Variants in SIAH3 observed in about 807,000 individuals in gnomAD.
SIAH3 encodes the protein siah E3 ubiquitin protein ligase family member 3, also known as seven in absentia homolog 3.
Under a neutral mutation model 12.6 loss-of-function variants are expected in SIAH3, and 9 were observed. The observed-to-expected ratio is 0.72, with a 90% CI of 0.43 to 1.25. The LOEUF is 1.25. Ranked by LOEUF, SIAH3 falls within the 50% of genes most tolerant of loss-of-function variation. The pLI is 0.00. For missense variants in SIAH3, 390 were observed against 365.4 expected (o/e 1.07, Z -0.55); for synonymous variants, 154 against 151.1 (o/e 1.02, Z -0.14).
chr13:45,789,899 G>C (rs547887585), intron 1 of SIAH3, among the ~76,000 whole-genome samples: 1 of 152,116 alleles, frequency 6.6e-6, no homozygotes, highest in Non-Finnish European at 1.5e-5. Context: ...CAAATGTTTT[G>C]GTTGGTGAAA....
intron 1 of SIAH3, among the ~76,000 whole-genome samples, chr13:45,840,829 G>T (rs76335229): frequency 1.1e-4 from 16 of 152,090 alleles, no homozygotes; most frequent in Non-Finnish European, 2.1e-4. Context: ...ATATCAAGAC[G>T]CGCTTTAAAG....
chr13:45,793,374 C>T (rs1426569635), intron 1 of SIAH3, among the ~76,000 whole-genome samples: 1 of 152,214 alleles, frequency 6.6e-6, no homozygotes, highest in African/African-American at 2.4e-5. Flanking sequence ...CTCCACAGTA[C>T]TCTCTGCCTC....
At chr13:45,791,538 G>A (rs1467979821) in intron 1 of SIAH3, among the ~76,000 whole-genome samples, 1 of 152,128 alleles carries the variant, frequency 6.6e-6, no homozygotes. Context: ...ACGGCTGTGA[G>A]CTCCTCAGGA....
In SIAH3 at chr13:45,778,001, C is replaced by T. The variant is rs1398651893; in HGVS notation, c.*5382G>A. 1 of 152,130 alleles carries T rather than the reference C, an allele frequency of 6.6e-6. No homozygotes were observed. The highest frequency in any genetic ancestry group is 1.5e-5 in the Non-Finnish European group (1 of 68,016). 9.4% of individuals were successfully genotyped at this position (152,130 alleles called of 1,614,324 possible). ...TAGAAAGAGTATTGGTCTGGGTAGG[C>T]TATGGATTGTGAACAGGGTCCTTAC... is the stretch of plus-strand genomic sequence containing the variant. On this transcript the variant is annotated 3_prime_UTR_variant, in exon 2 of 2. Coordinates refer to ENST00000400405, the MANE Select transcript of SIAH3 (RefSeq NM_198849.3).
At chr13:45,787,201 C>A (rs1185702073) in intron 1 of SIAH3, among the ~76,000 whole-genome samples, 1 of 152,062 alleles carries the variant, frequency 6.6e-6, no homozygotes, top group Non-Finnish European at 1.5e-5. Context: ...ATATTTGCAC[C>A]TGCATGCAAA....
chr13:45,783,975 C>T lies in SIAH3; in HGVS notation c.218G>A (p.Cys73Tyr). The change falls in exon 2 of 2, where the codon TGC becomes TAC. Residue 73 changes from cysteine (C) to tyrosine (Y), a missense_variant. Physicochemically the swap from Cys to Tyr is radical, Grantham distance 194. Coordinates refer to ENST00000400405, the MANE Select transcript of SIAH3 (RefSeq NM_198849.3). ...GAGGTGGTGGTGGTGGCGGTGGTGGCAGTGGTGGTGGGAGAGATGGTGAGG... is the reference window on the plus strand; with the variant it reads ...GAGGTGGTGGTGGTGGCGGTGGTGGTAGTGGTGGTGGGAGAGATGGTGAGG... ...FHPHHLSHHH[C>Y]HHRHHHHLRH... 1.2e-6 allele frequency: 2 copies of T among 1,604,728 alleles called. No homozygotes were observed. Among genetic ancestry groups the T allele is most frequent in the Non-Finnish European group, 1.7e-6 (2 of 1,176,210 alleles).
Position 45,820,044 on chromosome 13 carries a change from G to A in SIAH3, c.135+31451C>T, listed in dbSNP as rs544375876. ...TAGCAGGAGGAAGAAGGGCAAGAGA[G>A]CCGAATGCTGTGTGAAGCCTCCTTT... On this transcript the variant is annotated intron_variant, in intron 1 of 1. Coordinates refer to ENST00000400405, the MANE Select transcript of SIAH3 (RefSeq NM_198849.3). Among the ~76,000 whole-genome samples, 46 of 152,336 alleles carry A rather than the reference G, an allele frequency of 3.0e-4. 1 individual carries two copies. The highest frequency in any genetic ancestry group is 3.9e-4 in the Admixed American group (6 of 15,312).
chr13:45,839,834 A>AAAAC (rs201407925), intron 1 of SIAH3, among the ~76,000 whole-genome samples: 21 of 152,168 alleles, frequency 1.4e-4, no homozygotes, highest in African/African-American at 4.6e-4. Flanking sequence ...TCTGTCTCAA[A>AAAAC]AAACAAACAA....
intron 1 of SIAH3, among the ~76,000 whole-genome samples, chr13:45,846,046 G>A (rs1369347930): frequency 1.4e-5 from 2 of 147,932 alleles, no homozygotes; most frequent in Non-Finnish European, 3.0e-5. Flanking sequence ...ACCTGGGGCA[G>A]TGTAGGAATA....
At position 45,784,406 on chromosome 13, in the gene SIAH3, T is replaced by C. The variant is rs1220668048; in HGVS notation, c.136-349A>G. Among the ~76,000 whole-genome samples, 3 of 149,674 alleles carry C rather than the reference T, an allele frequency of 2.0e-5. No individual in the cohort carries two copies. The East Asian group carries it at 5.8e-4, about 29-fold the overall frequency. ...AAAGAACAAAGACAGCTGTTTTTTT[T>C]TTTTTTTTTTTTTTTGCTTTTTTGA... On this transcript the variant is annotated intron_variant, in intron 1 of 1. Coordinates refer to ENST00000400405, the MANE Select transcript of SIAH3 (RefSeq NM_198849.3).
intron 1 of SIAH3, among the ~76,000 whole-genome samples, chr13:45,826,812 G>T (rs1256186553): frequency 2.0e-5 from 3 of 152,078 alleles, no homozygotes; most frequent in African/African-American, 4.8e-5. Flanking sequence ...GAGGGCTGAG[G>T]GCTGTGGGTT....
chr13:45,838,072 G>C (rs7997237), intron 1 of SIAH3, among the ~76,000 whole-genome samples: 1 of 152,184 alleles, frequency 6.6e-6, no homozygotes, highest in East Asian at 1.9e-4. Flanking sequence ...CTGTAAATCA[G>C]TTCAATTGTA....
rs1260525152 is a variant in SIAH3, at chr13:45,779,948, T to G, written c.*3435A>C. 1.3e-5 allele frequency: 2 copies of G among 152,164 alleles called. No individual in the cohort carries two copies. Among genetic ancestry groups the G allele is most frequent in the Non-Finnish European group, 2.9e-5 (2 of 68,028 alleles). 9.4% of individuals were successfully genotyped at this position (152,164 alleles called of 1,614,324 possible). ...GGCTCAGCCTCAAGGGGAGGAATGC[T>G]CCTCTCTCCACACCTCCTGAAAAAA... On this transcript the variant is annotated 3_prime_UTR_variant, in exon 2 of 2. Coordinates refer to ENST00000400405, the MANE Select transcript of SIAH3 (RefSeq NM_198849.3).
At chr13:45,800,235 T>C (rs934862872) in intron 1 of SIAH3, among the ~76,000 whole-genome samples, 1 of 152,226 alleles carries the variant, frequency 6.6e-6, no homozygotes, top group African/African-American at 2.4e-5. Context: ...TAAACTGTTT[T>C]TTTTCTACTT....
intron 1 of SIAH3, among the ~76,000 whole-genome samples, chr13:45,807,508 A>G (rs552619954): frequency 6.6e-6 from 1 of 152,340 alleles, no homozygotes; most frequent in East Asian, 1.9e-4. Context: ...TATTAGATTT[A>G]GTAGAGCAGG....
At chr13:45,810,567 T>G (rs1356773159) in intron 1 of SIAH3, among the ~76,000 whole-genome samples, 3 of 152,314 alleles carry the variant, frequency 2.0e-5, no homozygotes, top group African/African-American at 7.2e-5. Context: ...GACTGGAATT[T>G]TGTCCCAGTG....
intron 1 of SIAH3, among the ~76,000 whole-genome samples, chr13:45,850,577 C>T (rs1255990947): frequency 6.6e-6 from 1 of 152,118 alleles, no homozygotes; most frequent in Non-Finnish European, 1.5e-5. Flanking sequence ...GCACCCTCTC[C>T]CCAGCCCCCA....
intron 1 of SIAH3, among the ~76,000 whole-genome samples, chr13:45,851,103 G>A (rs1025827574): frequency 6.8e-6 from 1 of 147,246 alleles, no homozygotes; most frequent in African/African-American, 2.5e-5. Flanking sequence ...CCAACACATG[G>A]GACAGAGAGA....
rs1252795930 is a variant in SIAH3 at position 45,783,469 on chromosome 13, C to T, written c.724G>A (p.Ala242Thr). The T allele has an allele frequency of 2.5e-6, 4 of 1,613,926 alleles. No homozygotes were observed. Among genetic ancestry groups the T allele is most frequent in the East Asian group, 2.2e-5 (1 of 44,858 alleles). Residue 242 changes from alanine to threonine, a missense_variant, in exon 2 of 2, where the codon GCA (alanine) becomes ACA (threonine). Coordinates refer to ENST00000400405, the MANE Select transcript of SIAH3 (RefSeq NM_198849.3). Reference sequence around the variant, plus strand: ...CTGCCGTTGTCAGAGAAGAGCTGTGCCAGCGAGGTGTTGAGGACGAGGCAG... The same window carrying T: ...CTGCCGTTGTCAGAGAAGAGCTGTGTCAGCGAGGTGTTGAGGACGAGGCAG... ...GDCLVLNTSL[A>T]QLFSDNGSLA...
Sources: gnomAD v4.1 joint callset for allele counts (sites outside exome capture counted in the v4.1 genomes callset) on GRCh38, gnomAD v4.1.1 for gene constraint, MANE v1.5 for transcripts, NCBI Gene and HGNC (gene_info 2026-07-23, HGNC 2026-07-21) for gene names.